Variants in HECA observed in about 807,000 individuals in gnomAD.
HECA encodes the protein headcase protein homolog.
In HECA, 13 loss-of-function variants were observed where a neutral mutation model predicts 37.6. That is an observed-to-expected ratio of 0.35 (90% CI 0.23 to 0.55). The LOEUF (loss-of-function observed/expected upper bound fraction) is 0.55. HECA is among the 20% of genes least tolerant of loss of function. The pLI is 0.90. For synonymous variants in HECA, 307 were observed against 291.5 expected (o/e 1.05, Z -0.54); for missense variants, 527 against 701.9 (o/e 0.75, Z 2.82).
At chr6:139,156,719 C>T (rs1003375323) in intron 1 of HECA, among the ~76,000 whole-genome samples, 7 of 152,164 alleles carry the variant, frequency 4.6e-5, no homozygotes, top group Admixed American at 1.3e-4. Context: ...AATGACGGCA[C>T]GTGTCTGTGT....
chr6:139,177,277 G>A lies in HECA; in HGVS notation c.*172G>A, dbSNP rs1312988943. The A allele has an allele frequency of 4.0e-6, 2 of 496,048 alleles. No individual in the cohort carries two copies. The highest frequency in any genetic ancestry group is 6.4e-5 in the South Asian group (2 of 31,100). 30.7% of individuals were successfully genotyped at this position (496,048 alleles called of 1,614,324 possible). ...GCCCTTGCCCTGTCTTGATTCCCGA[G>A]TGTTAATCTGTGGTTTTGACCAGAG... On this transcript the variant is annotated 3_prime_UTR_variant, in exon 4 of 4. Transcript: ENST00000367658. This position sits in a 1 kb window ranked among gnomAD's most constrained non-coding sequence, Gnocchi z 4.9.
At chr6:139,145,780 A>G (rs551748593) in intron 1 of HECA, among the ~76,000 whole-genome samples, 2 of 152,280 alleles carry the variant, frequency 1.3e-5, no homozygotes, top group African/African-American at 2.4e-5. Context: ...TTTTGGAAAG[A>G]TAAGTGGGCG....
Position 139,176,861 on chromosome 6 carries a change from C to T in HECA, c.1468-80C>T. 1.3e-6 allele frequency: 1 copy of T among 772,148 alleles called. No individual in the cohort carries two copies. Among genetic ancestry groups the T allele is most frequent in the Non-Finnish European group, 2.3e-6 (1 of 439,460 alleles). 47.8% of individuals were successfully genotyped at this position (772,148 alleles called of 1,614,324 possible). ...CTTTGCAAAGCCCTTGATCAGTTTC[C>T]CAGCATTTTGGTTTGGATGACTTTG... On this transcript the variant is annotated intron_variant, in intron 3 of 3. Transcript: ENST00000367658. This position sits in a 1 kb window ranked among gnomAD's most constrained non-coding sequence, Gnocchi z 4.5.
At chr6:139,142,608 T>C (rs1774529213) in intron 1 of HECA, among the ~76,000 whole-genome samples, 3 of 152,136 alleles carry the variant, frequency 2.0e-5, no homozygotes, top group Admixed American at 6.6e-5. Flanking sequence ...AGGGGGACTT[T>C]CCAAGGCTGG....
At chr6:139,136,907 T>C (rs1774454916) in intron 1 of HECA, among the ~76,000 whole-genome samples, 1 of 152,242 alleles carries the variant, frequency 6.6e-6, no homozygotes, top group African/African-American at 2.4e-5. Context: ...GTGCTGAGAT[T>C]ACAGGCGTGA....
chr6:139,137,795 A>G (rs552948304), intron 1 of HECA, among the ~76,000 whole-genome samples: 1 of 151,958 alleles, frequency 6.6e-6, no homozygotes, highest in African/African-American at 2.4e-5. Context: ...AGGGGCCCCT[A>G]TTATTATTCT....
At chr6:139,151,633 G>C (rs1257448969) in intron 1 of HECA, among the ~76,000 whole-genome samples, 1 of 152,190 alleles carries the variant, frequency 6.6e-6, no homozygotes, top group Non-Finnish European at 1.5e-5. Context: ...GGAGTGCAAA[G>C]ATTGGGGTCA....
chr6:139,147,072 GT>G (rs1661944739), intron 1 of HECA, among the ~76,000 whole-genome samples: 1 of 152,178 alleles, frequency 6.6e-6, no homozygotes. Flanking sequence ...GCAGTCTGCA[GT>G]CTACATTTGA....
chr6:139,146,367 G>A (rs1172204888), intron 1 of HECA, among the ~76,000 whole-genome samples: 2 of 152,174 alleles, frequency 1.3e-5, no homozygotes, highest in Non-Finnish European at 2.9e-5. Context: ...TCTCAGTAGA[G>A]TCTTTGGACA....
intron 1 of HECA, among the ~76,000 whole-genome samples, chr6:139,145,591 C>T (rs1774575932): frequency 6.6e-6 from 1 of 152,152 alleles, no homozygotes; most frequent in Admixed American, 6.5e-5. Flanking sequence ...TCTCTACTCT[C>T]TTAGGCTTAG....
At chr6:139,144,694 T>C (rs999472020) in intron 1 of HECA, 1 of 152,286 alleles carries the variant, frequency 6.6e-6, no homozygotes, top group South Asian at 2.1e-4. Context: ...TGTAAAATTA[T>C]ATATTTTAAC....
intron 1 of HECA, among the ~76,000 whole-genome samples, chr6:139,156,244 C>T (rs1217085991): frequency 6.6e-6 from 1 of 152,060 alleles, no homozygotes; most frequent in Non-Finnish European, 1.5e-5. Flanking sequence ...CTCTGTCACA[C>T]AGGCTGTGGT....
chr6:139,172,441 T>C (rs1454826864), intron 2 of HECA, among the ~76,000 whole-genome samples: 1 of 152,172 alleles, frequency 6.6e-6, no homozygotes, highest in Non-Finnish European at 1.5e-5. Context: ...CCCCGGACCC[T>C]GTCTCTGGAC....
intron 1 of HECA, among the ~76,000 whole-genome samples, chr6:139,159,693 C>T (rs1033356497): frequency 3.3e-5 from 5 of 152,134 alleles, no homozygotes; most frequent in African/African-American, 9.7e-5. Flanking sequence ...CTGGTTGGGT[C>T]ATTCTTTCCT....
intron 1 of HECA, among the ~76,000 whole-genome samples, chr6:139,147,700 C>A (rs1389244207): frequency 6.6e-6 from 1 of 152,216 alleles, no homozygotes; most frequent in Admixed American, 6.5e-5. Flanking sequence ...AAGCACTTTA[C>A]TCACACATTG....
chr6:139,138,347 G>T (rs992376098), intron 1 of HECA, among the ~76,000 whole-genome samples: 1 of 152,128 alleles, frequency 6.6e-6, no homozygotes, highest in African/African-American at 2.4e-5. Flanking sequence ...TGTGACATTA[G>T]ATTTTGTAAT....
chr6:139,136,051 C>T (rs1209598229), intron 1 of HECA, among the ~76,000 whole-genome samples: 1 of 151,966 alleles, frequency 6.6e-6, no homozygotes, highest in Admixed American at 6.5e-5. Context: ...AAAACTTAGG[C>T]ACCGGTTAAT....
At chr6:139,173,085 C>G (rs1774997839) in intron 2 of HECA, among the ~76,000 whole-genome samples, 1 of 152,182 alleles carries the variant, frequency 6.6e-6, no homozygotes, top group Non-Finnish European at 1.5e-5. Flanking sequence ...CCAGTGGCTC[C>G]TGGATCCTTG....
chr6:139,179,310 T>C lies in HECA; in HGVS notation c.*2205T>C, dbSNP rs1020686718. 1.3e-5 allele frequency: 2 copies of C among 152,218 alleles called. No homozygotes were observed. Among genetic ancestry groups the C allele is most frequent in the Non-Finnish European group, 2.9e-5 (2 of 68,040 alleles). 9.4% of individuals were successfully genotyped at this position (152,218 alleles called of 1,614,324 possible). A position where few individuals can be genotyped will look rare whatever the true frequency, so the allele number is the denominator to read the frequency against. On this transcript the variant is annotated 3_prime_UTR_variant, in exon 4 of 4. Transcript: ENST00000367658. ...GATCTTTAACCCACCTAAAATTTTA[T>C]AGTGAAACCTGCTTTATATTGTTGT...
Sources: gnomAD v4.1 joint callset for allele counts (sites outside exome capture counted in the v4.1 genomes callset) on GRCh38, gnomAD v4.1.1 for gene constraint, Gnocchi (gnomAD v3.1) non-coding constraint, MANE v1.5 for transcripts, NCBI Gene and HGNC (gene_info 2026-07-23, HGNC 2026-07-21) for gene names.